DLG2: variants seen among roughly 807,000 people sequenced by gnomAD.
DLG2 encodes discs large MAGUK scaffold protein 2.
A neutral mutation model predicts 132.5 loss-of-function variants in DLG2; 45 were observed. That is an observed-to-expected ratio of 0.34 (90% CI 0.27 to 0.44). DLG2 has a LOEUF of 0.44. Among genes scored for constraint, DLG2 ranks in the 20% least tolerant of loss-of-function variants. DLG2 has a pLI of 1.00. For synonymous variants in DLG2, 424 were observed against 419.6 expected, an observed-to-expected ratio of 1.01 and a Z score of -0.13; for missense variants, 1,045 against 1,196.9, an observed-to-expected ratio of 0.87 and a Z score of 1.87.
intron 18 of DLG2, among the ~76,000 whole-genome samples, chr11:83,735,751 G>C (rs1205736461): frequency 1.3e-5 from 2 of 152,306 alleles, no homozygotes; most frequent in East Asian, 3.9e-4. Context: ...GAAATTGAGA[G>C]TGATTGGAAT....
chr11:85,292,402 C>T (rs1187450575), intron 3 of DLG2, among the ~76,000 whole-genome samples: 2 of 151,660 alleles, frequency 1.3e-5, no homozygotes, highest in Non-Finnish European at 2.9e-5. Context: ...ATAAATTTCA[C>T]AGCCTAGACC....
At chr11:84,941,495 T>TA (rs2049414842) in intron 6 of DLG2, among the ~76,000 whole-genome samples, 2 of 152,294 alleles carry the variant, frequency 1.3e-5, no homozygotes, top group East Asian at 3.9e-4. Flanking sequence ...ATATGGTTTT[T>TA]ATCCTTCATT....
intron 6 of DLG2, among the ~76,000 whole-genome samples, chr11:85,001,385 G>A (rs2058196788): frequency 6.6e-6 from 1 of 152,108 alleles, no homozygotes; most frequent in African/African-American, 2.4e-5. Flanking sequence ...ATCTTAGAGA[G>A]GTAACCCAGC....
At chr11:84,883,895 G>C (rs2154056354) in intron 6 of DLG2, among the ~76,000 whole-genome samples, 1 of 152,144 alleles carries the variant, frequency 6.6e-6, no homozygotes, top group South Asian at 2.1e-4. Flanking sequence ...GTATTCTATG[G>C]AATTTTAAGT....
At chr11:84,361,289 C>A (rs559957526) in intron 7 of DLG2, among the ~76,000 whole-genome samples, 2 of 152,036 alleles carry the variant, frequency 1.3e-5, no homozygotes, top group South Asian at 4.1e-4. Flanking sequence ...ACATCATGAT[C>A]AAATTGCTGA....
At chr11:83,691,291 C>T (rs145653670) in intron 18 of DLG2, among the ~76,000 whole-genome samples, 63 of 152,254 alleles carry the variant, frequency 4.1e-4, no homozygotes, top group East Asian at 7.7e-4. Context: ...ACTAGCCACA[C>T]GTAATATAAC....
chr11:83,776,981 A>G (rs138557982), intron 18 of DLG2, among the ~76,000 whole-genome samples: 2 of 152,266 alleles, frequency 1.3e-5, no homozygotes, highest in East Asian at 3.9e-4. Flanking sequence ...TTCACTTTGT[A>G]TAATTCGTTA....
At chr11:84,183,893 C>A (rs551605599) in intron 8 of DLG2, among the ~76,000 whole-genome samples, 13 of 152,250 alleles carry the variant, frequency 8.5e-5, no homozygotes, top group Middle Eastern at 3.4e-3. Flanking sequence ...TGTCCCTACA[C>A]AGGACATGAA....
At chr11:85,225,451 C>A (rs1443133039) in intron 4 of DLG2, among the ~76,000 whole-genome samples, 1 of 152,128 alleles carries the variant, frequency 6.6e-6, no homozygotes, top group African/African-American at 2.4e-5. Flanking sequence ...GTCACACATA[C>A]ATTAAAATCT....
At chr11:84,881,050 C>T (rs1000600091) in intron 6 of DLG2, among the ~76,000 whole-genome samples, 1 of 151,966 alleles carries the variant, frequency 6.6e-6, no homozygotes, top group African/African-American at 2.4e-5. Context: ...AAAAATAAGA[C>T]TGTAGCATAT....
Position 84,481,564 on chromosome 11 carries a change from G to A in DLG2, c.519+53006C>T, listed in dbSNP as rs11827533. Among the ~76,000 whole-genome samples the A allele has an allele frequency of 1.4e-3, 217 of 152,254 alleles. 1 individual carries two copies. Among genetic ancestry groups the A allele is most frequent in the African/African-American group, 4.7e-3 (196 of 41,554 alleles). ...CACACATATAATTACCCAGTGGATG[G>A]TAGTCAACATCATTTTTACCCACAA... On this transcript the variant is annotated intron_variant, in intron 7 of 27. Transcript: ENST00000376104.
chr11:85,136,742 C>G (rs1278796011), intron 5 of DLG2, among the ~76,000 whole-genome samples: 1 of 152,060 alleles, frequency 6.6e-6, no homozygotes, highest in African/African-American at 2.4e-5. Flanking sequence ...TTGTTTCCAA[C>G]AGGGAAAAAT....
At chr11:85,227,750 T>TC (rs1341617608) in intron 4 of DLG2, among the ~76,000 whole-genome samples, 1 of 152,088 alleles carries the variant, frequency 6.6e-6, no homozygotes, top group Non-Finnish European at 1.5e-5. Flanking sequence ...TTTGGAAGCA[T>TC]CCATGATCTT....
intron 3 of DLG2, among the ~76,000 whole-genome samples, chr11:85,288,020 TG>T (rs1273420460): frequency 6.6e-6 from 1 of 151,886 alleles, no homozygotes; most frequent in Non-Finnish European, 1.5e-5. Context: ...GTAGACAGGG[TG>T]GGCAAGGAAG....
intron 3 of DLG2, among the ~76,000 whole-genome samples, chr11:85,297,979 G>T (rs956153197): frequency 7.9e-5 from 12 of 152,136 alleles, no homozygotes; most frequent in Admixed American, 2.6e-4. Context: ...GCGCCCATGT[G>T]ATGGGAAGGG....
At chr11:83,483,928 A>T (rs1483241585) in intron 22 of DLG2, among the ~76,000 whole-genome samples, 1 of 152,128 alleles carries the variant, frequency 6.6e-6, no homozygotes. Context: ...TCTCTCTCCA[A>T]TGCCTTCTGC....
chr11:85,522,402 C>T (rs1302920556), intron 3 of DLG2, among the ~76,000 whole-genome samples: 1 of 152,188 alleles, frequency 6.6e-6, no homozygotes, highest in East Asian at 1.9e-4. Flanking sequence ...TCTGCTAGGG[C>T]AGTGCGGAAG....
intron 26 of DLG2, among the ~76,000 whole-genome samples, chr11:83,463,265 A>G (rs1317987886): frequency 6.6e-6 from 1 of 152,044 alleles, no homozygotes; most frequent in African/African-American, 2.4e-5. Flanking sequence ...GGAAAAAAAA[A>G]AAACAATATA....
At chr11:84,920,847 G>C (rs938449902) in intron 6 of DLG2, among the ~76,000 whole-genome samples, 4 of 151,904 alleles carry the variant, frequency 2.6e-5, no homozygotes, top group Admixed American at 1.3e-4. Flanking sequence ...TAACAAAAAA[G>C]TTTATTCTAG....
Sources: allele counts gnomAD v4.1 joint callset (sites outside exome capture counted in the v4.1 genomes callset), GRCh38; gene constraint gnomAD v4.1.1; transcripts MANE v1.5; gene names NCBI Gene and HGNC (gene_info 2026-07-23, HGNC 2026-07-21).